Variants in AFG2A observed in about 807,000 individuals in gnomAD.
AFG2A encodes the protein AAA ATPase AFG2A.
chr4:122,970,745 T>C, the AFG2A span, among the ~76,000 whole-genome samples: 7 of 152,128 alleles, frequency 4.6e-5, no homozygotes, highest in African/African-American at 1.4e-4. Flanking sequence ...TACTCTATAA[T>C]GTTTGCACAA....
At chr4:123,063,339 A>G in the AFG2A span, among the ~76,000 whole-genome samples, 1 of 152,312 alleles carries the variant, frequency 6.6e-6, no homozygotes, top group Admixed American at 6.5e-5. Context: ...ATTTCTATGT[A>G]ATATTAGGCT....
At chr4:123,025,132 T>C in the AFG2A span, among the ~76,000 whole-genome samples, 1 of 152,198 alleles carries the variant, frequency 6.6e-6, no homozygotes, top group African/African-American at 2.4e-5. Flanking sequence ...AGAGACACAC[T>C]AGAAGGACTG....
At chr4:123,147,602 G>A in the AFG2A span, among the ~76,000 whole-genome samples, 61 of 151,894 alleles carry the variant, frequency 4.0e-4, 1 homozygote, top group East Asian at 1.9e-4. Flanking sequence ...ATTACTTCTC[G>A]CTTATTTGTA....
At chr4:123,284,053 G>C in the AFG2A span, among the ~76,000 whole-genome samples, 3 of 152,062 alleles carry the variant, frequency 2.0e-5, no homozygotes, top group Non-Finnish European at 2.9e-5. Flanking sequence ...TACAGTAAAG[G>C]TAAGCGGAAA....
the AFG2A span, among the ~76,000 whole-genome samples, chr4:123,229,289 C>T: frequency 3.6e-4 from 54 of 151,928 alleles, 1 homozygote; most frequent in Non-Finnish European, 6.8e-4. Flanking sequence ...AGTGAATAAT[C>T]TGTTAGCCAG....
At chr4:122,968,584 C>T in the AFG2A span, among the ~76,000 whole-genome samples, 1 of 152,290 alleles carries the variant, frequency 6.6e-6, no homozygotes, top group East Asian at 1.9e-4. Context: ...AGCAGGAGTT[C>T]ATTTTTATTG....
the AFG2A span, among the ~76,000 whole-genome samples, chr4:123,165,507 T>G: frequency 6.6e-6 from 1 of 152,106 alleles, no homozygotes; most frequent in African/African-American, 2.4e-5. Context: ...TGAAATTATT[T>G]CATTAGAAAA....
At chr4:123,184,832 G>A in the AFG2A span, among the ~76,000 whole-genome samples, 4 of 151,872 alleles carry the variant, frequency 2.6e-5, no homozygotes, top group African/African-American at 9.7e-5. Flanking sequence ...CACCGCGCCC[G>A]GCCCCAGCAT....
At chr4:122,934,031 C>A in the AFG2A span, 4 of 1,425,366 alleles carry the variant, frequency 2.8e-6, no homozygotes, top group East Asian at 9.4e-5. Context: ...AAATATATTG[C>A]TATTTAAACA....
the AFG2A span, among the ~76,000 whole-genome samples, chr4:123,160,020 TG>T: frequency 6.6e-6 from 1 of 151,472 alleles, no homozygotes; most frequent in African/African-American, 2.4e-5. Context: ...CTTGTCTTTT[TG>T]TTGTTGTTGT....
At chr4:123,294,819 T>C in the AFG2A span, among the ~76,000 whole-genome samples, 1 of 152,176 alleles carries the variant, frequency 6.6e-6, no homozygotes, top group Non-Finnish European at 1.5e-5. Context: ...AGGTAAAGAC[T>C]AAAAACCAGG....
the AFG2A span, among the ~76,000 whole-genome samples, chr4:123,106,519 G>A: frequency 2.0e-5 from 3 of 152,110 alleles, no homozygotes; most frequent in Admixed American, 6.5e-5. Context: ...AAAAAAAATT[G>A]TTTAATTCGG....
chr4:122,998,269 A>G, the AFG2A span, among the ~76,000 whole-genome samples: 1 of 152,138 alleles, frequency 6.6e-6, no homozygotes, highest in Non-Finnish European at 1.5e-5. Context: ...TAAGAGTTTT[A>G]TAATTTTAAC....
the AFG2A span, among the ~76,000 whole-genome samples, chr4:122,989,003 T>G: frequency 6.6e-6 from 1 of 152,210 alleles, no homozygotes; most frequent in Admixed American, 6.5e-5. Flanking sequence ...CTTGAATTCT[T>G]CATTTTTTTC....
chr4:122,938,305 T>C, the AFG2A span: 1 of 1,395,264 alleles, frequency 7.2e-7, no homozygotes, highest in Admixed American at 2.7e-5. Flanking sequence ...TACTTATGTG[T>C]AGTGGTAAAA....
At chr4:123,172,861 A>G in the AFG2A span, among the ~76,000 whole-genome samples, 1 of 152,156 alleles carries the variant, frequency 6.6e-6, no homozygotes, top group African/African-American at 2.4e-5. Flanking sequence ...TAAGCTTAAA[A>G]TTTGGGACTC....
chr4:122,962,272 A>C, the AFG2A span, among the ~76,000 whole-genome samples: 1 of 152,284 alleles, frequency 6.6e-6, no homozygotes, highest in Non-Finnish European at 1.5e-5. Context: ...GCTCTAATTA[A>C]TGCATTTTAC....
the AFG2A span, among the ~76,000 whole-genome samples, chr4:123,224,859 C>T: frequency 1.3e-5 from 2 of 152,302 alleles, no homozygotes; most frequent in African/African-American, 4.8e-5. Flanking sequence ...TCTCCACATC[C>T]TCTCCAGCAC....
the AFG2A span, among the ~76,000 whole-genome samples, chr4:123,037,202 C>T: frequency 1.3e-5 from 2 of 151,946 alleles, no homozygotes; most frequent in Non-Finnish European, 2.9e-5. Flanking sequence ...ATTGTAAGAA[C>T]ATGAGGTGTA....
Sources: allele counts gnomAD v4.1 joint callset (sites outside exome capture counted in the v4.1 genomes callset), GRCh38; gene constraint gnomAD v4.1.1; transcripts MANE v1.5; gene names NCBI Gene and HGNC (gene_info 2026-07-23, HGNC 2026-07-21).